The following TRRAP variants were observed in gnomAD, a reference collection of about 807,000 sequenced individuals.
TRRAP encodes transformation/transcription domain-associated protein.
TRRAP carries 41 observed loss-of-function variants against 438.8 expected under a neutral mutation model. The observed-to-expected ratio is 0.09, with a 90% confidence interval of 0.07 to 0.12. The LOEUF (loss-of-function observed/expected upper bound fraction) is 0.12, where lower values mean the gene tolerates loss of function less well. Ranked by LOEUF, TRRAP falls within the 10% of genes least tolerant of loss-of-function variation. The pLI is 1.00. For missense variants in TRRAP, 3,122 were observed against 5,055.1 expected (o/e 0.62, Z 11.60); for synonymous variants, 1,994 against 1,962.9 (o/e 1.02, Z -0.42).
chr7:98,909,999 T>G, intron 14 of TRRAP, 57 bp from the exon 15 acceptor site: 1 of 1,520,408 alleles, frequency 6.6e-7, no homozygotes, highest in Non-Finnish European at 8.8e-7. Context: ...TGAGCAGTAT[T>G]TGGCCTGTTG....
chr7:98,956,516 A>G lies in TRRAP; in HGVS notation c.6214A>G (p.Thr2072Ala). 1.2e-6 allele frequency: 2 copies of G among 1,614,122 alleles called. No homozygotes were observed. Among genetic ancestry groups the G allele is most frequent in the Non-Finnish European group, 1.7e-6 (2 of 1,180,002 alleles). The part of the protein sequence containing the change: ...AQEVKRFRTA[T>A]GAISAVFGRS... Reference sequence around the variant, plus strand: ...GGAAGTGAAACGCTTTAGGACGGCCACCGGAGCCATCAGTGCAGTAAGATC... The same window carrying G: ...GGAAGTGAAACGCTTTAGGACGGCCGCCGGAGCCATCAGTGCAGTAAGATC... The change falls in exon 43 of 73, where the codon ACC (threonine) becomes GCC (alanine). Residue 2072 changes from threonine (T) to alanine (A), a missense_variant. Thr to Ala is a moderately conservative substitution (Grantham distance 58). This residue lies in a region of TRRAP where 992 missense variants were observed against 1,281.2 expected (regional missense o/e 0.77). Coordinates refer to ENST00000456197, the MANE Select transcript of TRRAP (RefSeq NM_001375524.1). The surrounding 1 kb of genome is among the most constrained non-coding windows in gnomAD (Gnocchi z 4.5).
At chr7:98,992,340 G>C (rs1323096225) in intron 65 of TRRAP, 113 bp downstream of exon 65, 1 of 1,096,500 alleles carries the variant, frequency 9.1e-7, no homozygotes, top group African/African-American at 1.5e-5. Context: ...ACTCATAGCC[G>C]TGGCCAATCT....
intron 56 of TRRAP, among the ~76,000 whole-genome samples, chr7:98,977,369 C>T (rs184528591): frequency 2.0e-3 from 297 of 152,276 alleles, no homozygotes; most frequent in African/African-American, 6.5e-3. Context: ...GCCATGTTGG[C>T]CGTGCTGGTC....
chr7:98,906,713 G>A (rs1379209814), intron 13 of TRRAP, among the ~76,000 whole-genome samples: 6 of 152,152 alleles, frequency 3.9e-5, no homozygotes, highest in South Asian at 2.1e-4. Context: ...GATTACAGGC[G>A]TGAGGTACTG....
intron 30 of TRRAP, among the ~76,000 whole-genome samples, chr7:98,939,631 T>G (rs139217652): frequency 6.6e-6 from 1 of 152,358 alleles, no homozygotes; most frequent in East Asian, 1.9e-4. Context: ...TTTCCATATA[T>G]TCCATATATT....
In TRRAP at chr7:99,011,576, C is replaced by T. The variant is rs1411710875; in HGVS notation, c.11337+41C>T. ...GTCCTATCACAGGCGCAGGCTAGAG[C>T]CACTCAGATGCCCGCGCGTCACGGC... On this transcript the variant is annotated intron_variant, in intron 72 of 72. Coordinates refer to ENST00000456197, the MANE Select transcript of TRRAP (RefSeq NM_001375524.1). This position sits in a 1 kb window ranked among gnomAD's most constrained non-coding sequence, Gnocchi z 7.1. 4 of 1,591,100 alleles carry T rather than the reference C, an allele frequency of 2.5e-6. No individual in the cohort carries two copies. The South Asian group carries it at 3.5e-5, about 14-fold the overall frequency.
At chr7:98,982,315 T>C (rs1792968780) in intron 59 of TRRAP, among the ~76,000 whole-genome samples, 1 of 152,130 alleles carries the variant, frequency 6.6e-6, no homozygotes, top group African/African-American at 2.4e-5. Context: ...GGAAATGTTT[T>C]CCGAAATCTG....
chr7:98,961,176 T>C, intron 45 of TRRAP, 85 bp from the exon 46 acceptor site: 1 of 1,316,288 alleles, frequency 7.6e-7, no homozygotes, highest in African/African-American at 1.4e-5. Context: ...AATCCAGTGC[T>C]AGATTTTGCC....
At position 99,004,223 on chromosome 7, in the gene TRRAP, T is replaced by G. The variant is rs1794065169; in HGVS notation, c.10343T>G (p.Leu3448Arg). 6.2e-7 allele frequency: 1 copy of G among 1,613,652 alleles called. No homozygotes were observed. Among genetic ancestry groups the G allele is most frequent in the Admixed American group, 1.7e-5 (1 of 59,898 alleles). Residue 3448 changes from leucine to arginine, a missense_variant, in exon 68 of 73, where the codon CTT becomes CGT. Physicochemically the swap from Leu to Arg is moderately radical, Grantham distance 102 (BLOSUM62 -2). This residue lies in a region of TRRAP where 107 missense variants were observed against 327.5 expected (regional missense o/e 0.33). Coordinates refer to ENST00000456197, the MANE Select transcript of TRRAP (RefSeq NM_001375524.1). Reference sequence around the variant, plus strand: ...TTCAGCGTTCCAGGATCCATGAAGCTTCATAATCTTATTTCTAAGTTGAAA... The same window carrying G: ...TTCAGCGTTCCAGGATCCATGAAGCGTCATAATCTTATTTCTAAGTTGAAA... ...FDFSVPGSMK[L>R]HNLISKLKKW...
chr7:99,011,644 C>A lies in TRRAP; in HGVS notation c.11337+109C>A. ...TGTGCCTCACGGGCTCTGCGCTCTC[C>A]ACAGTGGCCAGCACCCCTGTGTGTT... On this transcript the variant is annotated intron_variant, in intron 72 of 72. Transcript: ENST00000456197. This position sits in a 1 kb window ranked among gnomAD's most constrained non-coding sequence, Gnocchi z 7.1. 1 of 1,276,340 alleles carries A rather than the reference C, an allele frequency of 7.8e-7. No homozygotes were observed. The highest frequency in any genetic ancestry group is 2.5e-5 in the East Asian group (1 of 40,620). The allele number at this position is 1,276,340 out of a possible 1,614,324, so 79.1% of individuals were successfully genotyped here. A position where few individuals can be genotyped will look rare whatever the true frequency, so the allele number is the denominator to read the frequency against.
chr7:98,909,385 T>G (rs1796953692), intron 14 of TRRAP, among the ~76,000 whole-genome samples: 1 of 152,102 alleles, frequency 6.6e-6, no homozygotes, highest in South Asian at 2.1e-4. Flanking sequence ...ATCCCAGGAG[T>G]TAGACCACCT....
intron 67 of TRRAP, among the ~76,000 whole-genome samples, chr7:98,996,978 G>A (rs1054566234): frequency 2.6e-5 from 4 of 151,762 alleles, no homozygotes; most frequent in Non-Finnish European, 2.9e-5. Context: ...AGTTAAAAAG[G>A]ATTCCTCAAT....
intron 68 of TRRAP, 142 bp from the exon 69 acceptor site, chr7:99,004,989 A>G: frequency 4.0e-6 from 3 of 751,116 alleles, no homozygotes; most frequent in South Asian, 3.3e-5. Context: ...AGGGTGAGGC[A>G]GGGTACAAAT....
At chr7:98,946,697 C>T (rs1791094166) in intron 33 of TRRAP, among the ~76,000 whole-genome samples, 1 of 152,180 alleles carries the variant, frequency 6.6e-6, no homozygotes, top group Non-Finnish European at 1.5e-5. Context: ...CATGCACACA[C>T]ACACTGATGC....
intron 1 of TRRAP, among the ~76,000 whole-genome samples, chr7:98,879,424 C>T (rs1795317943): frequency 6.6e-6 from 1 of 151,148 alleles, no homozygotes; most frequent in African/African-American, 2.4e-5. Context: ...TGGGGATGGG[C>T]AGGGAGAGGC....
At chr7:98,955,869 T>G (rs1051196993) in intron 41 of TRRAP, among the ~76,000 whole-genome samples, 1 of 151,638 alleles carries the variant, frequency 6.6e-6, no homozygotes, top group Admixed American at 6.6e-5. Context: ...CCTTCCTGTC[T>G]GAAGAGAATT....
intron 19 of TRRAP, 35 bp downstream of exon 19, chr7:98,915,923 G>A: frequency 6.2e-7 from 1 of 1,612,262 alleles, no homozygotes; most frequent in Non-Finnish European, 8.5e-7. Context: ...TTTTAGTCTT[G>A]TGTGTCATGT....
chr7:98,882,286 G>A (rs1420693879), intron 3 of TRRAP, among the ~76,000 whole-genome samples: 1 of 151,744 alleles, frequency 6.6e-6, no homozygotes, highest in Non-Finnish European at 1.5e-5. Context: ...TTTAAAATAT[G>A]GTAGCTCTTT....
chr7:98,977,119 G>T (rs1362908433), intron 56 of TRRAP, 43 bp downstream of exon 56: 2 of 1,610,800 alleles, frequency 1.2e-6, no homozygotes, highest in South Asian at 2.2e-5. Context: ...GTAATGAGAG[G>T]TCATTTATAA....
Sources: gnomAD v4.1 joint callset for allele counts (sites outside exome capture counted in the v4.1 genomes callset) on GRCh38, gnomAD v4.1.1 for gene constraint, gnomAD v4.1.1 regional missense constraint, Gnocchi (gnomAD v3.1) non-coding constraint, MANE v1.5 for transcripts, NCBI Gene and HGNC (gene_info 2026-07-23, HGNC 2026-07-21) for gene names.